LINC00305: variants seen among roughly 807,000 people sequenced by gnomAD.
LINC00305 encodes long independently transcribed non-coding RNA 305, also known as long intergenic non-protein coding RNA 305.
intron 1 of LINC00305, among the ~76,000 whole-genome samples, chr18:64,132,555 A>G (rs2051414720): frequency 6.6e-6 from 1 of 152,130 alleles, no homozygotes; most frequent in South Asian, 2.1e-4. Flanking sequence ...TTCACCCTTT[A>G]TAAGAAAAAC....
chr18:64,100,167 T>G (rs1167802404), intron 1 of LINC00305, among the ~76,000 whole-genome samples: 1 of 151,956 alleles, frequency 6.6e-6, no homozygotes, highest in African/African-American at 2.4e-5. Context: ...TCAGGGGAGA[T>G]GGTTGTTATG....
intron 3 of LINC00305, among the ~76,000 whole-genome samples, chr18:64,083,814 A>G (rs935025291): frequency 2.6e-5 from 4 of 152,250 alleles, no homozygotes; most frequent in African/African-American, 9.6e-5. Flanking sequence ...AGTGACAATT[A>G]TAAACCTGCT....
intron 1 of LINC00305, among the ~76,000 whole-genome samples, chr18:64,134,640 G>A (rs575439797): frequency 2.0e-5 from 3 of 152,182 alleles, no homozygotes; most frequent in Non-Finnish European, 4.4e-5. Flanking sequence ...TGGATATTAT[G>A]ACAGCTGTTA....
At chr18:64,137,958 G>T (rs2051443246) in intron 1 of LINC00305, among the ~76,000 whole-genome samples, 1 of 151,042 alleles carries the variant, frequency 6.6e-6, no homozygotes, top group African/African-American at 2.4e-5. Flanking sequence ...TTAGAGTATT[G>T]CCTGATTTGG....
rs911592233 is a variant in LINC00305, at chr18:64,116,181, A to G, written n.315-17541T>C. ...GTGCTGCAATTTTTTTAAGCCCCAAAGGAATTTGCTTTTTGATAAGAATTC... is the reference window on the plus strand; with the variant it reads ...GTGCTGCAATTTTTTTAAGCCCCAAGGGAATTTGCTTTTTGATAAGAATTC... On this transcript the variant is annotated intron_variant and non_coding_transcript_variant, in intron 1 of 3. Coordinates refer to ENST00000666468, the Ensembl canonical transcript of LINC00305. Among the ~76,000 whole-genome samples, 5 of 152,202 alleles carry G rather than the reference A, an allele frequency of 3.3e-5. No homozygotes were observed. In the East Asian group the frequency reaches 7.7e-4, roughly 23 times the overall value.
chr18:64,104,163 A>T, intron 1 of LINC00305: 1 of 152,212 alleles, frequency 6.6e-6, no homozygotes, highest in African/African-American at 2.4e-5. Flanking sequence ...TTCATAGTGA[A>T]GTTTCCACTG....
At chr18:64,094,517 A>G (rs1693577755) in intron 3 of LINC00305, among the ~76,000 whole-genome samples, 1 of 152,194 alleles carries the variant, frequency 6.6e-6, no homozygotes, top group Non-Finnish European at 1.5e-5. Flanking sequence ...TGAACCAGGC[A>G]GAGAGCTGGT....
intron 1 of LINC00305, among the ~76,000 whole-genome samples, chr18:64,105,475 CA>C (rs1288719029): frequency 3.3e-5 from 5 of 151,252 alleles, no homozygotes; most frequent in East Asian, 3.9e-4. Context: ...AACAAACAAA[CA>C]AAAAAAAGTT....
chr18:64,143,624 G>GTA lies in LINC00305; in HGVS notation n.314+5149_314+5150dup, dbSNP rs1321556360. On this transcript the variant is annotated intron_variant and non_coding_transcript_variant, in intron 1 of 3. Transcript: ENST00000666468. ...TGTATATGTACATATGTACACATAT[G>GTA]TATGTACACGTATTATGTATACATA... Among the ~76,000 whole-genome samples, 34 of 112,568 alleles carry GTA rather than the reference G, an allele frequency of 3.0e-4. 2 individuals are homozygous for GTA. Among genetic ancestry groups the GTA allele is most frequent in the African/African-American group, 9.9e-4 (26 of 26,386 alleles). 73.8% of individuals were successfully genotyped at this position (112,568 alleles called of 152,430 possible). A position where few individuals can be genotyped will look rare whatever the true frequency, so the allele number is the denominator to read the frequency against.
At chr18:64,121,320 A>G (rs1199928268) in intron 1 of LINC00305, among the ~76,000 whole-genome samples, 1 of 151,882 alleles carries the variant, frequency 6.6e-6, no homozygotes, top group Non-Finnish European at 1.5e-5. Context: ...CTGTACCCCA[A>G]AACCTCCGTC....
intron 1 of LINC00305, among the ~76,000 whole-genome samples, chr18:64,126,422 G>T (rs1012887896): frequency 2.0e-5 from 3 of 151,758 alleles, no homozygotes; most frequent in Non-Finnish European, 4.4e-5. Context: ...ATACGCTAAG[G>T]GACTACTATT....
intron 1 of LINC00305, among the ~76,000 whole-genome samples, chr18:64,100,051 C>T (rs1273684752): frequency 1.3e-5 from 2 of 152,138 alleles, no homozygotes; most frequent in Non-Finnish European, 2.9e-5. Flanking sequence ...CGACATAGCA[C>T]ATATATTTTT....
intron 1 of LINC00305, among the ~76,000 whole-genome samples, chr18:64,099,528 A>G (rs940477421): frequency 6.6e-5 from 10 of 152,202 alleles, no homozygotes; most frequent in African/African-American, 2.4e-4. Context: ...GTTGGTCTTA[A>G]GCTTTGAAAT....
At chr18:64,112,758 G>A (rs2051320762) in intron 1 of LINC00305, among the ~76,000 whole-genome samples, 1 of 152,054 alleles carries the variant, frequency 6.6e-6, no homozygotes, top group Admixed American at 6.5e-5. Context: ...TTTCCAGAAA[G>A]AATCTTTTCT....
chr18:64,131,546 C>T (rs761803298), intron 1 of LINC00305, among the ~76,000 whole-genome samples: 2 of 152,148 alleles, frequency 1.3e-5, no homozygotes, highest in African/African-American at 2.4e-5. Flanking sequence ...GTTGGTATGT[C>T]ATGTAGTTCA....
chr18:64,127,845 G>A lies in LINC00305; in HGVS notation n.314+20930C>T, dbSNP rs1568114871. The stretch of plus-strand genomic sequence containing the variant: ...TAAATAATAGGGCTGAATTTCTCTC[G>A]TGGATTACTCTATTTTCTAAATTTT... On this transcript the variant is annotated intron_variant and non_coding_transcript_variant, in intron 1 of 3. Coordinates refer to ENST00000666468, the Ensembl canonical transcript of LINC00305. 3.3e-5 allele frequency among the ~76,000 whole-genome samples: 5 copies of A among 151,988 alleles called. No individual in the cohort carries two copies. The South Asian group carries it at 1.0e-3, about 32-fold the overall frequency.
At chr18:64,138,696 G>T (rs1372558907) in intron 1 of LINC00305, among the ~76,000 whole-genome samples, 1 of 152,082 alleles carries the variant, frequency 6.6e-6, no homozygotes. Flanking sequence ...TCAGCAGCGG[G>T]TTTGGTGCTT....
In LINC00305 at chr18:64,137,847, T is replaced by C. The variant is rs796453661; in HGVS notation, n.314+10928A>G. On this transcript the variant is annotated intron_variant and non_coding_transcript_variant, in intron 1 of 3. Coordinates refer to ENST00000666468, the Ensembl canonical transcript of LINC00305. ...AGCCATTAAATAATATACACACACA[T>C]ACACACACACACACACACACACAAT... Among the ~76,000 whole-genome samples the C allele has an allele frequency of 8.0e-4, 119 of 148,578 alleles. 1 individual carries two copies. Among genetic ancestry groups the C allele is most frequent in the Admixed American group, 5.7e-3 (85 of 14,914 alleles).
At chr18:64,136,027 C>A (rs1213094664) in intron 1 of LINC00305, among the ~76,000 whole-genome samples, 3 of 152,194 alleles carry the variant, frequency 2.0e-5, no homozygotes, top group Non-Finnish European at 2.9e-5. Context: ...AATGGCCCAG[C>A]TCCGACCAGG....
Sources: gnomAD v4.1 joint callset for allele counts (sites outside exome capture counted in the v4.1 genomes callset) on GRCh38, gnomAD v4.1.1 for gene constraint, MANE v1.5 for transcripts, NCBI Gene and HGNC (gene_info 2026-07-23, HGNC 2026-07-21) for gene names.